Variants in BTBD7 observed in about 807,000 individuals in gnomAD.
BTBD7 encodes the protein BTB/POZ domain-containing protein 7.
BTBD7 carries 38 observed loss-of-function variants against 99.9 expected under a neutral mutation model. The observed-to-expected ratio is 0.38, with a 90% CI of 0.29 to 0.50. The LOEUF (loss-of-function observed/expected upper bound fraction) is 0.50, where lower values mean the gene tolerates loss of function less well. Among genes scored for constraint, BTBD7 ranks in the 20% least tolerant of loss-of-function variants. BTBD7 has a pLI of 0.93. For missense variants in BTBD7, 1,170 were observed against 1,394.6 expected, an observed-to-expected ratio of 0.84 and a Z score of 2.57; for synonymous variants, 520 against 511.4, an observed-to-expected ratio of 1.02 and a Z score of -0.23.
In BTBD7 at chr14:93,242,619, T is replaced by C. The variant is rs1407379316; in HGVS notation, c.3053A>G (p.His1018Arg). Reference sequence around the variant, plus strand: ...GTGTATCGGCTCATTCTTTTGTCTGTGTAGATGCCCGTCAGGGGAAAGTGG... The same window carrying C: ...GTGTATCGGCTCATTCTTTTGTCTGCGTAGATGCCCGTCAGGGGAAAGTGG... The part of the protein sequence containing the change: ...EYPLSPDGHL[H>R]RQKNEPIHLD... Residue 1018 changes from histidine to arginine, a missense_variant, in exon 11 of 11, where the codon CAC becomes CGC. His to Arg is a conservative substitution (Grantham distance 29). Around this residue, in one of 4 missense-constraint regions of BTBD7, gnomAD observed 495 missense variants for 525.9 expected, o/e 0.94. Transcript: ENST00000334746. 6.2e-7 allele frequency: 1 copy of C among 1,614,190 alleles called. No homozygotes were observed. The highest frequency in any genetic ancestry group is 1.7e-5 in the Admixed American group (1 of 60,026).
chr14:93,331,224 T>C (rs1671318004), intron 1 of BTBD7, among the ~76,000 whole-genome samples: 1 of 152,172 alleles, frequency 6.6e-6, no homozygotes, highest in Non-Finnish European at 1.5e-5. Context: ...TAGTGAATGG[T>C]GAAGAATGCA....
At chr14:93,332,118 G>C (rs2053436485) in intron 1 of BTBD7, among the ~76,000 whole-genome samples, 2 of 152,168 alleles carry the variant, frequency 1.3e-5, no homozygotes, top group Non-Finnish European at 2.9e-5. Flanking sequence ...AAAACGGTGA[G>C]AAAGTTCTCA....
chr14:93,246,333 T>C (rs767786870), intron 9 of BTBD7, 47 bp from the exon 10 acceptor site: 3 of 1,466,312 alleles, frequency 2.0e-6, no homozygotes, highest in East Asian at 4.7e-5. Flanking sequence ...TTAGCAGATT[T>C]CATAAGTGGA....
rs772071546 is a variant in BTBD7 at position 93,301,054 on chromosome 14, CAATT to C, written c.-106-4901_-106-4898del. On this transcript the variant is annotated intron_variant, in intron 1 of 10. Transcript: ENST00000334746. Reference sequence around the variant, plus strand: ...GTGGGGCAAATGTGAATATAAATAACAATTAACGGCCTGGCTCAGTGGCTCATGC... The same window carrying C: ...GTGGGGCAAATGTGAATATAAATAACAACGGCCTGGCTCAGTGGCTCATGC... Among the ~76,000 whole-genome samples, 19 of 152,166 alleles carry C rather than the reference CAATT, an allele frequency of 1.2e-4. 1 individual carries two copies. Among genetic ancestry groups the C allele is most frequent in the East Asian group, 7.7e-4 (4 of 5,174 alleles).
intron 3 of BTBD7, among the ~76,000 whole-genome samples, chr14:93,284,974 T>C (rs940382630): frequency 6.6e-6 from 1 of 152,176 alleles, no homozygotes; most frequent in East Asian, 1.9e-4. Flanking sequence ...TATAAACATA[T>C]ATATAAATAT....
chr14:93,317,030 T>C (rs2053215259), intron 1 of BTBD7, among the ~76,000 whole-genome samples: 1 of 152,218 alleles, frequency 6.6e-6, no homozygotes. Context: ...TTTCCAAACT[T>C]AATCACAGAA....
intron 1 of BTBD7, among the ~76,000 whole-genome samples, chr14:93,313,007 C>CT (rs1277093872): frequency 2.0e-5 from 3 of 152,286 alleles, no homozygotes; most frequent in African/African-American, 7.2e-5. Flanking sequence ...CCAGGGAGAT[C>CT]TGGCACAGCA....
In BTBD7 at chr14:93,275,694, G is replaced by C. The variant is rs117683780; in HGVS notation, c.1163-11701C>G. ...GGCCATTTTTTTGCTCATAGGCTAT[G>C]AATCTGTACAGTGTGTCACTGTATT... On this transcript the variant is annotated intron_variant, in intron 3 of 10. Transcript: ENST00000334746. 1.8e-3 allele frequency among the ~76,000 whole-genome samples: 280 copies of C among 152,278 alleles called. 2 individuals carry two copies. In the East Asian group the frequency reaches 0.034, roughly 18 times the overall value.
At chr14:93,264,141 TGG>T in intron 3 of BTBD7, 148 bp from the exon 4 acceptor site, 2 of 703,734 alleles carry the variant, frequency 2.8e-6, no homozygotes, top group Non-Finnish European at 4.7e-6. Context: ...CAAGACTTGG[TGG>T]GATGGGTAAA....
chr14:93,288,539 T>C (rs1253282594), intron 3 of BTBD7: 4 of 788,956 alleles, frequency 5.1e-6, no homozygotes, highest in Non-Finnish European at 9.3e-6. Flanking sequence ...CCCTTCATTG[T>C]CTGCTTCCTC....
At chr14:93,306,793 T>C (rs1169464106) in intron 1 of BTBD7, among the ~76,000 whole-genome samples, 1 of 152,234 alleles carries the variant, frequency 6.6e-6, no homozygotes, top group African/African-American at 2.4e-5. Flanking sequence ...CTGAGTGTTC[T>C]CCTAATAATA....
chr14:93,322,449 T>C (rs931465988), intron 1 of BTBD7, among the ~76,000 whole-genome samples: 4 of 152,188 alleles, frequency 2.6e-5, no homozygotes, highest in African/African-American at 9.7e-5. Context: ...ATACACTATA[T>C]GCTTAAACAT....
At chr14:93,279,053 C>G (rs922742459) in intron 3 of BTBD7, among the ~76,000 whole-genome samples, 2 of 152,228 alleles carry the variant, frequency 1.3e-5, no homozygotes, top group African/African-American at 4.8e-5. Flanking sequence ...CATCTACTTA[C>G]AGCAGAATGT....
chr14:93,300,228 T>A (rs151069806), intron 1 of BTBD7, among the ~76,000 whole-genome samples: 1,841 of 151,530 alleles, frequency 0.012, 46 homozygotes, highest in East Asian at 0.066. Context: ...TTAGGAAATA[T>A]GGATGGGGAA....
intron 1 of BTBD7, among the ~76,000 whole-genome samples, chr14:93,321,015 G>A (rs1179907532): frequency 2.6e-5 from 4 of 152,170 alleles, no homozygotes; most frequent in South Asian, 2.1e-4. Flanking sequence ...AAGTGATACC[G>A]TTACGCAGTA....
Position 93,246,280 on chromosome 14 carries a change from G to C in BTBD7, c.2128C>G (p.His710Asp). Reference protein sequence around the residue: ...DAAAELLQNPHKFFPDERFGD... With the variant: ...DAAAELLQNPDKFFPDERFGD... ...AAACGTTCATCAGGAAAGAATTTGT[G>C]AGGATTCTAAAAAAGATTAAAAAAA... The change falls in exon 10 of 11, where the codon CAC (histidine) becomes GAC (aspartate). Residue 710 changes from histidine to aspartate, a missense_variant. This residue lies in a region of BTBD7 where 495 missense variants were observed against 525.9 expected (regional missense o/e 0.94). Transcript: ENST00000334746. 1.4e-6 allele frequency: 2 copies of C among 1,473,268 alleles called. No homozygotes were observed. The highest frequency in any genetic ancestry group is 1.8e-6 in the Non-Finnish European group (2 of 1,112,210). The allele number at this position is 1,473,268 out of a possible 1,614,324, so 91.3% of individuals were successfully genotyped here.
chr14:93,293,619 C>A (rs534507709), intron 3 of BTBD7, among the ~76,000 whole-genome samples: 2 of 152,076 alleles, frequency 1.3e-5, no homozygotes, highest in African/African-American at 4.8e-5. Flanking sequence ...GAAGAAAGAA[C>A]CTCAAGTCTC....
At chr14:93,312,302 T>C (rs1479102737) in intron 1 of BTBD7, among the ~76,000 whole-genome samples, 1 of 152,248 alleles carries the variant, frequency 6.6e-6, no homozygotes, top group African/African-American at 2.4e-5. Flanking sequence ...TCAGTCTTAG[T>C]TCTACCAATA....
chr14:93,267,344 CTCTT>C, intron 3 of BTBD7, among the ~76,000 whole-genome samples: 1 of 152,186 alleles, frequency 6.6e-6, no homozygotes, highest in Non-Finnish European at 1.5e-5. Context: ...AATCACTTCA[CTCTT>C]TAAGAGTCTG....
Sources: allele counts gnomAD v4.1 joint callset (sites outside exome capture counted in the v4.1 genomes callset), GRCh38; gene constraint gnomAD v4.1.1; regional missense constraint gnomAD v4.1.1; transcripts MANE v1.5; gene names NCBI Gene and HGNC (gene_info 2026-07-23, HGNC 2026-07-21).